GPR39: variants seen among roughly 807,000 people sequenced by gnomAD.
GPR39 encodes the protein zinc sensing receptor.
A neutral mutation model predicts 18.4 loss-of-function variants in GPR39; 23 were observed. That is an observed-to-expected ratio of 1.25 (90% CI 0.90 to 1.77). The LOEUF (loss-of-function observed/expected upper bound fraction) is 1.77. Ranked by LOEUF, GPR39 falls within the 40% of genes most tolerant of loss-of-function variation. The probability of loss-of-function intolerance (pLI) is 0.00; values close to 1 mark genes in which losing one functional copy is unlikely to be tolerated. For synonymous variants in GPR39, 280 were observed against 257.9 expected (o/e 1.09, Z -0.82); for missense variants, 647 against 602.4 (o/e 1.07, Z -0.78).
intron 1 of GPR39, among the ~76,000 whole-genome samples, chr2:132,555,974 A>G (rs920751588): frequency 6.6e-6 from 1 of 152,094 alleles, no homozygotes; most frequent in African/African-American, 2.4e-5. Flanking sequence ...CCCCAACCCT[A>G]GAGTTCCTGA....
chr2:132,437,284 A>G (rs1212003930), intron 1 of GPR39, among the ~76,000 whole-genome samples: 1 of 152,200 alleles, frequency 6.6e-6, no homozygotes, highest in Non-Finnish European at 1.5e-5. Flanking sequence ...TATTCATTTC[A>G]TTAACGAAAA....
At chr2:132,519,334 C>T (rs1464385298) in intron 1 of GPR39, among the ~76,000 whole-genome samples, 2 of 152,072 alleles carry the variant, frequency 1.3e-5, no homozygotes, top group Non-Finnish European at 2.9e-5. Context: ...TTTTCTGAAG[C>T]CTGACTTCCC....
At chr2:132,430,344 GAGA>G (rs1680203351) in intron 1 of GPR39, among the ~76,000 whole-genome samples, 1 of 152,210 alleles carries the variant, frequency 6.6e-6, no homozygotes, top group Admixed American at 6.5e-5. Context: ...TTGAGAATGG[GAGA>G]AGAAGGAGCT....
Position 132,529,118 on chromosome 2 carries a change from G to A in GPR39, c.856+111220G>A, listed in dbSNP as rs538044561. Among the ~76,000 whole-genome samples, 7 of 152,290 alleles carry A rather than the reference G, an allele frequency of 4.6e-5. No individual in the cohort carries two copies. In the East Asian group the frequency reaches 1.2e-3, roughly 25 times the overall value. Reference sequence around the variant, plus strand: ...ATTCCCTTTCCTAGTCAAAGAAAGGGGTGATAGACAGCACCTGGAAAATCG... The same window carrying A: ...ATTCCCTTTCCTAGTCAAAGAAAGGAGTGATAGACAGCACCTGGAAAATCG... On this transcript the variant is annotated intron_variant, in intron 1 of 1. Coordinates refer to ENST00000329321, the MANE Select transcript of GPR39 (RefSeq NM_001508.3).
chr2:132,435,141 T>A (rs903817318), intron 1 of GPR39, among the ~76,000 whole-genome samples: 1 of 152,170 alleles, frequency 6.6e-6, no homozygotes, highest in Non-Finnish European at 1.5e-5. Flanking sequence ...TGGTACCATA[T>A]GGAAACATCT....
At chr2:132,465,536 TGGCAAAGAGCATGGTAGCCAATAAGGA>T (rs1205379329) in intron 1 of GPR39, among the ~76,000 whole-genome samples, 16 of 152,318 alleles carry the variant, frequency 1.1e-4, no homozygotes, top group Non-Finnish European at 1.9e-4. Context: ...AGTCCCTGGA[TGGCAAAGAGCATGGTAGCCAATAAGGA>T]GGCAAAGAGC....
chr2:132,521,906 A>G (rs1217297926), intron 1 of GPR39, among the ~76,000 whole-genome samples: 1 of 152,138 alleles, frequency 6.6e-6, no homozygotes, highest in Non-Finnish European at 1.5e-5. Flanking sequence ...TTCTTCCCCC[A>G]ACCCCTCCAA....
chr2:132,529,544 C>T (rs982675070), intron 1 of GPR39, among the ~76,000 whole-genome samples: 14 of 152,214 alleles, frequency 9.2e-5, no homozygotes, highest in Admixed American at 4.6e-4. Flanking sequence ...TGAGAATGGG[C>T]GGACTGCCTC....
intron 1 of GPR39, among the ~76,000 whole-genome samples, chr2:132,585,345 G>T (rs1275670421): frequency 6.6e-6 from 1 of 152,044 alleles, no homozygotes; most frequent in Non-Finnish European, 1.5e-5. Flanking sequence ...ACTCTCCTCA[G>T]GTCCTTGGAG....
chr2:132,511,600 G>A (rs141751030), intron 1 of GPR39, among the ~76,000 whole-genome samples: 193 of 152,304 alleles, frequency 1.3e-3, no homozygotes, highest in African/African-American at 4.0e-3. Context: ...GGACAAGCTT[G>A]TGGTGTGGCT....
intron 1 of GPR39, among the ~76,000 whole-genome samples, chr2:132,549,761 C>T (rs777702522): frequency 2.0e-5 from 3 of 152,094 alleles, no homozygotes; most frequent in African/African-American, 7.2e-5. Context: ...GCATTCTAAT[C>T]CGGTGACAGA....
At chr2:132,463,794 T>C (rs1467603921) in intron 1 of GPR39, among the ~76,000 whole-genome samples, 1 of 152,238 alleles carries the variant, frequency 6.6e-6, no homozygotes, top group African/African-American at 2.4e-5. Flanking sequence ...TGACAGTTAA[T>C]GTCTCTGCTG....
At chr2:132,453,614 T>G (rs915605086) in intron 1 of GPR39, among the ~76,000 whole-genome samples, 5 of 152,238 alleles carry the variant, frequency 3.3e-5, no homozygotes, top group Admixed American at 1.3e-4. Flanking sequence ...AGGTTTTAGG[T>G]CTAACATTTA....
At chr2:132,642,748 C>T (rs73955766) in intron 1 of GPR39, among the ~76,000 whole-genome samples, 3,187 of 152,278 alleles carry the variant, frequency 0.021, 103 homozygotes, top group African/African-American at 0.065. Flanking sequence ...GGATTCTCAC[C>T]GCCTGAAGTA....
chr2:132,623,589 GCCC>G (rs1216295581), intron 1 of GPR39, among the ~76,000 whole-genome samples: 1 of 152,188 alleles, frequency 6.6e-6, no homozygotes, highest in African/African-American at 2.4e-5. Flanking sequence ...AGCATTCAGA[GCCC>G]CAGTCCGGAA....
At chr2:132,538,687 C>T (rs1175859104) in intron 1 of GPR39, among the ~76,000 whole-genome samples, 1 of 152,196 alleles carries the variant, frequency 6.6e-6, no homozygotes, top group Non-Finnish European at 1.5e-5. Flanking sequence ...CCCGGGTGCT[C>T]TGTCCCAGGG....
At chr2:132,586,009 A>C (rs1264453827) in intron 1 of GPR39, among the ~76,000 whole-genome samples, 2 of 140,574 alleles carry the variant, frequency 1.4e-5, no homozygotes, top group Non-Finnish European at 3.0e-5. Flanking sequence ...CACCGCAGAA[A>C]GTTCATTAAC....
intron 1 of GPR39, among the ~76,000 whole-genome samples, chr2:132,565,419 C>CTTT (rs1680331966): frequency 2.2e-5 from 3 of 138,330 alleles, no homozygotes; most frequent in African/African-American, 8.0e-5. Context: ...TTTTATTATA[C>CTTT]TTTAAGTTTT....
chr2:132,521,757 T>G (rs889744817), intron 1 of GPR39, among the ~76,000 whole-genome samples: 3 of 152,236 alleles, frequency 2.0e-5, no homozygotes, highest in Non-Finnish European at 4.4e-5. Flanking sequence ...ATTAGCAATT[T>G]GTATAGCAAT....
Sources: gnomAD v4.1 joint callset for allele counts (sites outside exome capture counted in the v4.1 genomes callset) on GRCh38, gnomAD v4.1.1 for gene constraint, MANE v1.5 for transcripts, NCBI Gene and HGNC (gene_info 2026-07-23, HGNC 2026-07-21) for gene names.